The following KRT7 variants were observed in gnomAD, a reference collection of about 807,000 sequenced individuals.
KRT7 encodes the protein keratin 7, also known as keratin, type II cytoskeletal 7.
A neutral mutation model predicts 42.8 loss-of-function variants in KRT7; 50 were observed. The observed-to-expected ratio is 1.17, with a 90% CI of 0.93 to 1.48. The LOEUF (loss-of-function observed/expected upper bound fraction) is 1.48, where lower values mean the gene tolerates loss of function less well. Among genes scored for constraint, KRT7 ranks in the 40% most tolerant of loss-of-function variants. The pLI, the probability that KRT7 is intolerant of heterozygous loss-of-function variation, is 0.00. For missense variants in KRT7, 588 were observed against 637.6 expected (o/e 0.92, Z 0.84); for synonymous variants, 268 against 266.3 (o/e 1.01, Z -0.06).
At chr12:52,247,331 C>G (rs976605475) in intron 7 of KRT7, 3 of 152,210 alleles carry the variant, frequency 2.0e-5, no homozygotes, top group African/African-American at 7.2e-5. Context: ...CAACTCCCAG[C>G]ACCAGCAGGG....
rs370758841 is a variant in KRT7 at position 52,248,588 on chromosome 12, C to T, written c.1241-3C>T. The T allele has an allele frequency of 5.1e-6, 8 of 1,574,650 alleles. No homozygotes were observed. In the Admixed American group the frequency reaches 5.5e-5, roughly 11 times the overall value. The stretch of plus-strand genomic sequence containing the variant: ...AAGAGAGCCCTCCTCTTTTCTCTCC[C>T]AGCTGTGATGAATTCCACTGGTGGC... On this transcript the variant is annotated splice_polypyrimidine_tract_variant and splice_region_variant and intron_variant, in intron 8 of 8. Transcript: ENST00000331817.
chr12:52,233,696 C>T (rs551117829), intron 1 of KRT7, 76 bp downstream of exon 1: 22 of 1,463,408 alleles, frequency 1.5e-5, no homozygotes, highest in South Asian at 3.4e-5. Flanking sequence ...GCCCTGCCTG[C>T]GCGCGGGCCA....
At chr12:52,237,726 ATGTGTGTGTGTG>A (rs10546862) in intron 3 of KRT7, 157 bp downstream of exon 3, 47 of 346,318 alleles carry the variant, frequency 1.4e-4, no homozygotes, top group Non-Finnish European at 2.1e-4. Flanking sequence ...GGGTGCGTGT[ATGTGTGTGTGTG>A]TGTGTGTGTG....
downstream of KRT7, chr12:52,250,611 C>T: frequency 1.9e-6 from 2 of 1,068,930 alleles, no homozygotes; most frequent in Non-Finnish European, 2.8e-6. Context: ...CAGGTCCCCG[C>T]ATAAGACCCC....
At chr12:52,255,010 C>T (rs1221141434), downstream of KRT7, among the ~76,000 whole-genome samples, 7 of 152,204 alleles carry the variant, frequency 4.6e-5, no homozygotes, top group South Asian at 1.0e-3. Context: ...CTCTTTCACT[C>T]GCAAATATTT....
intron 5 of KRT7, among the ~76,000 whole-genome samples, 191 bp from the exon 6 acceptor site, chr12:52,242,821 C>A (rs987957055): frequency 1.3e-5 from 2 of 152,170 alleles, no homozygotes; most frequent in Non-Finnish European, 2.9e-5. Flanking sequence ...TCCTCCCTGC[C>A]TGGCTTGGAG....
intron 5 of KRT7, among the ~76,000 whole-genome samples, chr12:52,242,397 G>T (rs1169462128): frequency 6.6e-6 from 1 of 152,190 alleles, no homozygotes; most frequent in Non-Finnish European, 1.5e-5. Context: ...CTAGACCTGG[G>T]AGGCTTAATC....
At position 52,248,158 on chromosome 12, in the gene KRT7, G is replaced by A; in HGVS notation, c.1206-19G>A. The A allele has an allele frequency of 6.2e-7, 1 of 1,613,682 alleles. No homozygotes were observed. Among genetic ancestry groups the A allele is most frequent in the Non-Finnish European group, 8.5e-7 (1 of 1,179,680 alleles). On this transcript the variant is annotated intron_variant, in intron 7 of 8. Transcript: ENST00000331817. Reference sequence around the variant, plus strand: ...ACGCTAGGAAAGAGCCGTCCTCACTGTCTGTCCTCTGCCCCCAGGTTGGCT... The same window carrying A: ...ACGCTAGGAAAGAGCCGTCCTCACTATCTGTCCTCTGCCCCCAGGTTGGCT...
At chr12:52,249,894 C>T (rs767838636), downstream of KRT7, among the ~76,000 whole-genome samples, 9 of 152,038 alleles carry the variant, frequency 5.9e-5, no homozygotes, top group Non-Finnish European at 1.0e-4. Flanking sequence ...AAAAGTGGAC[C>T]AGCAGCCACA....
chr12:52,237,348 G>T (rs1478262223), intron 2 of KRT7, among the ~76,000 whole-genome samples, 161 bp from the exon 3 acceptor site: 1 of 152,162 alleles, frequency 6.6e-6, no homozygotes, highest in Non-Finnish European at 1.5e-5. Context: ...CCGCGTGGAA[G>T]TCAGGGAAAT....
In KRT7 at chr12:52,245,149, T is replaced by C. The variant is rs1410474249; in HGVS notation, c.985-263T>C. ...TTTCATCCTCAAAATCTCCTGATGT[T>C]CTCTTAGAAAAGAGGGGACTTTGGC... On this transcript the variant is annotated intron_variant, in intron 6 of 8. Coordinates refer to ENST00000331817, the MANE Select transcript of KRT7 (RefSeq NM_005556.4). The C allele has an allele frequency of 5.4e-6, 3 of 556,922 alleles. No individual in the cohort carries two copies. In the African/African-American group the frequency reaches 5.7e-5, roughly 11 times the overall value. 34.5% of individuals were successfully genotyped at this position (556,922 alleles called of 1,614,324 possible). A position where few individuals can be genotyped will look rare whatever the true frequency, so the allele number is the denominator to read the frequency against.
At chr12:52,250,758 C>T (rs1942253645), downstream of KRT7, 5 of 422,370 alleles carry the variant, frequency 1.2e-5, no homozygotes, top group Non-Finnish European at 2.2e-5. Flanking sequence ...GCACTCCTTC[C>T]TGCAGTCTTA....
At chr12:52,253,035 G>A (rs145924433), downstream of KRT7, among the ~76,000 whole-genome samples, 5 of 152,188 alleles carry the variant, frequency 3.3e-5, no homozygotes, top group East Asian at 9.7e-4. Context: ...CCTCCATATT[G>A]CCCCAATGCC....
intron 7 of KRT7, chr12:52,246,488 C>T (rs925871905): frequency 1.3e-5 from 2 of 152,244 alleles, no homozygotes; most frequent in Non-Finnish European, 1.5e-5. Flanking sequence ...CAGAGAGAGA[C>T]ATGACGGAGG....
chr12:52,248,259 G>A (rs745750716), intron 8 of KRT7, 48 bp downstream of exon 8: 1 of 1,594,206 alleles, frequency 6.3e-7, no homozygotes, highest in Non-Finnish European at 8.6e-7. Context: ...GTGCTGTTTA[G>A]ATGGGGCTGG....
chr12:52,240,190 T>C (rs574162212), intron 4 of KRT7, among the ~76,000 whole-genome samples: 36 of 152,306 alleles, frequency 2.4e-4, no homozygotes, highest in African/African-American at 7.9e-4. Context: ...CACACACATA[T>C]ATATAAAGTT....
chr12:52,247,871 A>AT (rs1319839675), intron 7 of KRT7: 1 of 451,770 alleles, frequency 2.2e-6, no homozygotes, highest in East Asian at 4.2e-5. Context: ...CTTTAGACAG[A>AT]TTATGTCATT....
At position 52,243,059 on chromosome 12, in the gene KRT7, G is replaced by A. The variant is rs10564; in HGVS notation, c.906G>A (p.Arg302=). 8,416 of 1,613,816 alleles carry A rather than the reference G, an allele frequency of 5.2e-3. 398 individuals carry two copies. The African/African-American group carries it at 0.1, about 19-fold the overall frequency. Residue 302 remains arginine, a synonymous_variant, in exon 6 of 9, where the codon CGG becomes CGA. Coordinates refer to ENST00000331817, the MANE Select transcript of KRT7 (RefSeq NM_005556.4). The stretch of plus-strand genomic sequence containing the variant: ...CTGGGAAGCATGGGGACGACCTCCG[G>A]AATACCCGGAATGAGATTTCAGAGA... The part of the protein sequence containing the change: ...AQAGKHGDDL[R]NTRNEISEMN...
intron 3 of KRT7, 152 bp downstream of exon 3, chr12:52,237,721 C>CGTGTGTGTGT (rs1202496423): frequency 4.6e-5 from 15 of 322,968 alleles, no homozygotes; most frequent in African/African-American, 3.4e-4. Context: ...CCTGTGGGTG[C>CGTGTGTGTGT]GTGTATGTGT....
Sources: allele counts gnomAD v4.1 joint callset (sites outside exome capture counted in the v4.1 genomes callset), GRCh38; gene constraint gnomAD v4.1.1; transcripts MANE v1.5; gene names NCBI Gene and HGNC (gene_info 2026-07-23, HGNC 2026-07-21).